The following KMT2A variants were observed in gnomAD, a reference collection of about 807,000 sequenced individuals.
KMT2A encodes the protein lysine methyltransferase 2A.
In KMT2A, 16 loss-of-function variants were observed where a neutral mutation model predicts 345.3. That is an observed-to-expected ratio of 0.05 (90% CI 0.03 to 0.07). The LOEUF is 0.07. Among genes scored for constraint, KMT2A ranks in the 10% least tolerant of loss-of-function variants. The probability of loss-of-function intolerance (pLI) is 1.00; values close to 1 mark genes in which losing one functional copy is unlikely to be tolerated. For synonymous variants in KMT2A, 1,599 were observed against 1,778.6 expected (o/e 0.90, Z 2.54); for missense variants, 3,272 against 4,841.6 (o/e 0.68, Z 9.62).
chr11:118,464,991 C>T (rs1949816248), intron 1 of KMT2A, among the ~76,000 whole-genome samples: 1 of 152,188 alleles, frequency 6.6e-6, no homozygotes, highest in Non-Finnish European at 1.5e-5. Flanking sequence ...TGGCAATGTC[C>T]CTGCTCATTC....
At position 118,494,514 on chromosome 11, in the gene KMT2A, G is replaced by T; in HGVS notation, c.5289+116G>T. ...TTTGTGGTGTGTATAAAACATCTTT[G>T]GTTTAATTTGATCCCCTGATTCTTT... is the stretch of plus-strand genomic sequence containing the variant. On this transcript the variant is annotated intron_variant, in intron 17 of 35. Coordinates refer to ENST00000534358, the MANE Select transcript of KMT2A (RefSeq NM_001197104.2). The surrounding 1 kb of genome is among the most constrained non-coding windows in gnomAD (Gnocchi z 5.8). The T allele has an allele frequency of 1.2e-6, 1 of 815,418 alleles. No homozygotes were observed. Among genetic ancestry groups the T allele is most frequent in the South Asian group, 1.7e-5 (1 of 59,228 alleles). The allele number at this position is 815,418 out of a possible 1,614,324, so 50.5% of individuals were successfully genotyped here.
In KMT2A at chr11:118,496,162, A is replaced by T; in HGVS notation, c.5558-99A>T. The T allele has an allele frequency of 1.1e-6, 1 of 913,956 alleles. No homozygotes were observed. Among genetic ancestry groups the T allele is most frequent in the Non-Finnish European group, 1.8e-6 (1 of 559,256 alleles). 56.6% of individuals were successfully genotyped at this position (913,956 alleles called of 1,614,324 possible). On this transcript the variant is annotated intron_variant, in intron 19 of 35. Transcript: ENST00000534358. The surrounding 1 kb of genome is among the most constrained non-coding windows in gnomAD (Gnocchi z 4.7). Reference sequence around the variant, plus strand: ...GTGGTTATTTTATAGGCTGTGGGCTATGTAAGCTGAATTATTTCTTTTTTC... The same window carrying T: ...GTGGTTATTTTATAGGCTGTGGGCTTTGTAAGCTGAATTATTTCTTTTTTC...
Position 118,471,775 on chromosome 11 carries a change from T to C in KMT2A, c.616T>C (p.Ser206Pro), listed in dbSNP as rs782647777. Residue 206 changes from serine to proline, a missense_variant, in exon 3 of 36, where the codon TCT becomes CCT. Physicochemically the swap from Ser to Pro is moderately conservative, Grantham distance 74. This residue lies in a region of KMT2A where 412 missense variants were observed against 511.0 expected (regional missense o/e 0.81). Coordinates refer to ENST00000534358, the MANE Select transcript of KMT2A (RefSeq NM_001197104.2). ...CCCTCTAAATAAATCAGAGACCAAATCTGGAGATAAGATCAAGAAGAAAGA... is the reference window on the plus strand; with the variant it reads ...CCCTCTAAATAAATCAGAGACCAAACCTGGAGATAAGATCAAGAAGAAAGA... ...FSPLNKSETK[S>P]GDKIKKKDSK... 11 of 1,613,510 alleles carry C rather than the reference T, an allele frequency of 6.8e-6. No individual in the cohort carries two copies. The East Asian group carries it at 2.0e-4, about 29-fold the overall frequency.
At chr11:118,462,053 A>G (rs756212110) in intron 1 of KMT2A, among the ~76,000 whole-genome samples, 2 of 152,088 alleles carry the variant, frequency 1.3e-5, no homozygotes, top group Non-Finnish European at 2.9e-5. Context: ...TCCCAGGTTC[A>G]AGTAATTCTC....
intron 1 of KMT2A, among the ~76,000 whole-genome samples, chr11:118,460,702 G>A (rs565477048): frequency 9.2e-5 from 14 of 152,280 alleles, no homozygotes; most frequent in South Asian, 8.3e-4. Context: ...ATGTTGCTCA[G>A]GCTGGAGTGC....
intron 1 of KMT2A, among the ~76,000 whole-genome samples, chr11:118,460,383 G>A (rs1949723315): frequency 6.6e-6 from 1 of 151,994 alleles, no homozygotes; most frequent in Admixed American, 6.6e-5. Context: ...CCGTCCCCCA[G>A]GCTCAGGGAT....
chr11:118,437,029 C>G, intron 1 of KMT2A, 85 bp downstream of exon 1: 1 of 1,328,464 alleles, frequency 7.5e-7, no homozygotes, highest in Non-Finnish European at 9.7e-7. Context: ...TGAGGAGCAT[C>G]CCAATTCTGG....
In KMT2A at chr11:118,478,016, C is replaced by T; in HGVS notation, c.3384C>T (p.Pro1128=). 6.2e-7 allele frequency: 1 copy of T among 1,614,114 alleles called. No homozygotes were observed. The highest frequency in any genetic ancestry group is 8.5e-7 in the Non-Finnish European group (1 of 1,180,020). The change falls in exon 5 of 36, where the codon CCC becomes CCT. Residue 1128 remains proline (P), a synonymous_variant. Coordinates refer to ENST00000534358, the MANE Select transcript of KMT2A (RefSeq NM_001197104.2). ...AAGATGCTGAACCTCTTGCTCCACC[C>T]ATCAAACCAATTAAACCTGTCACTA... ...GSEDAEPLAP[P]IKPIKPVTRN... is the part of the protein sequence containing the mutation.
At chr11:118,454,530 A>T (rs1555030073) in intron 1 of KMT2A, among the ~76,000 whole-genome samples, 1 of 152,096 alleles carries the variant, frequency 6.6e-6, no homozygotes, top group African/African-American at 2.4e-5. Context: ...TGTTGAAACT[A>T]CTCCACTCTG....
At chr11:118,441,177 G>GT (rs1290068543) in intron 1 of KMT2A, among the ~76,000 whole-genome samples, 49 of 146,512 alleles carry the variant, frequency 3.3e-4, no homozygotes, top group South Asian at 4.4e-4. Context: ...GATAATTTTT[G>GT]TTTTTTTTTT....
Position 118,472,592 on chromosome 11 carries a change from G to C in KMT2A, c.1433G>C (p.Arg478Pro), listed in dbSNP as rs782711809. 1 of 1,611,410 alleles carries C rather than the reference G, an allele frequency of 6.2e-7. No individual in the cohort carries two copies. The highest frequency in any genetic ancestry group is 1.1e-5 in the South Asian group (1 of 90,878). The change falls in exon 3 of 36, where the codon CGA becomes CCA. Residue 478 changes from arginine (R) to proline (P), a missense_variant. Arg to Pro is a moderately radical substitution (Grantham distance 103, BLOSUM62 -2). This residue lies in a region of KMT2A where 180 missense variants were observed against 190.7 expected (regional missense o/e 0.94). Transcript: ENST00000534358. ...HSSQMSSDSS[R>P]SSSPSVDTST... ...TCTCAAATGTCTTCAGACTCCTCTCGATCTAGTAGCCCCAGTGTTGATACC... is the reference window on the plus strand; with the variant it reads ...TCTCAAATGTCTTCAGACTCCTCTCCATCTAGTAGCCCCAGTGTTGATACC...
Position 118,475,373 on chromosome 11 carries a change from GC to G in KMT2A, c.3156+1060del, listed in dbSNP as rs572363330. Among the ~76,000 whole-genome samples, 118 of 152,240 alleles carry G rather than the reference GC, an allele frequency of 7.8e-4. No homozygotes were observed. In the South Asian group the frequency reaches 0.013, roughly 17 times the overall value. On this transcript the variant is annotated intron_variant, in intron 3 of 35. Coordinates refer to ENST00000534358, the MANE Select transcript of KMT2A (RefSeq NM_001197104.2). Reference sequence around the variant, plus strand: ...TTAAAAAAATCGTCATGTAGTAGATGCCTATTTATGGCAGCAAATCAGGTTA... The same window carrying G: ...TTAAAAAAATCGTCATGTAGTAGATGCTATTTATGGCAGCAAATCAGGTTA...
rs1950034954 is a variant in KMT2A at position 118,476,171 on chromosome 11, C to T, written c.3157-634C>T. Among the ~76,000 whole-genome samples the T allele has an allele frequency of 2.0e-5, 3 of 152,184 alleles. No homozygotes were observed. Among genetic ancestry groups the T allele is most frequent in the Admixed American group, 6.5e-5 (1 of 15,278 alleles). The stretch of plus-strand genomic sequence containing the variant: ...CTACCCGCCTCGGCCTCCCAAAGTG[C>T]TGGGAGTTGCAGGCGTGAGCCACCA... On this transcript the variant is annotated intron_variant, in intron 3 of 35. Transcript: ENST00000534358. The surrounding 1 kb of genome is among the most constrained non-coding windows in gnomAD (Gnocchi z 4.1).
intron 4 of KMT2A, among the ~76,000 whole-genome samples, chr11:118,477,335 T>C (rs1950054562): frequency 6.6e-6 from 1 of 152,014 alleles, no homozygotes; most frequent in African/African-American, 2.4e-5. Flanking sequence ...GGGAGGCACA[T>C]TCTCATGGCT....
chr11:118,515,577 A>G (rs1022348093), intron 31 of KMT2A, among the ~76,000 whole-genome samples: 6 of 152,158 alleles, frequency 3.9e-5, no homozygotes, highest in East Asian at 1.9e-4. Flanking sequence ...CAGTTCCCAC[A>G]ATAACATTCA....
chr11:118,450,233 C>G (rs549572838), intron 1 of KMT2A: 1 of 151,470 alleles, frequency 6.6e-6, no homozygotes, highest in African/African-American at 2.4e-5. Flanking sequence ...TTTAAAGATT[C>G]TGCAGAATAA....
At chr11:118,459,480 G>A (rs1183203080) in intron 1 of KMT2A, among the ~76,000 whole-genome samples, 1 of 152,114 alleles carries the variant, frequency 6.6e-6, no homozygotes, top group East Asian at 1.9e-4. Flanking sequence ...GTACCTAGGA[G>A]TCTCTTGCTA....
At position 118,491,414 on chromosome 11, in the gene KMT2A, T is replaced by C; in HGVS notation, c.4819+96T>C. On this transcript the variant is annotated intron_variant, in intron 14 of 35. Coordinates refer to ENST00000534358, the MANE Select transcript of KMT2A (RefSeq NM_001197104.2). This position sits in a 1 kb window ranked among gnomAD's most constrained non-coding sequence, Gnocchi z 4.2. ...AAACCTAAAATTATGGTTGTGTTGT[T>C]ATTTGAAATCTCTAAATTTATTTTT... 8.3e-7 allele frequency: 1 copy of C among 1,203,266 alleles called. No individual in the cohort carries two copies. The highest frequency in any genetic ancestry group is 1.2e-6 in the Non-Finnish European group (1 of 866,108). The allele number at this position is 1,203,266 out of a possible 1,614,324, so 74.5% of individuals were successfully genotyped here.
intron 1 of KMT2A, among the ~76,000 whole-genome samples, chr11:118,457,572 C>T (rs2134218056): frequency 6.6e-6 from 1 of 151,868 alleles, no homozygotes; most frequent in East Asian, 1.9e-4. Context: ...TGCCTGACCG[C>T]CTTTTTTTCC....
Sources: allele counts gnomAD v4.1 joint callset (sites outside exome capture counted in the v4.1 genomes callset), GRCh38; gene constraint gnomAD v4.1.1; regional missense constraint gnomAD v4.1.1; non-coding constraint Gnocchi (gnomAD v3.1); transcripts MANE v1.5; gene names NCBI Gene and HGNC (gene_info 2026-07-23, HGNC 2026-07-21).